The following MTHFS variants were observed in gnomAD, a reference collection of about 807,000 sequenced individuals.
MTHFS encodes the protein 5-formyltetrahydrofolate cyclo-ligase.
MTHFS carries 7 observed loss-of-function variants against 12.7 expected under a neutral mutation model. The ratio of observed to expected loss-of-function variants is 0.55; its 90% CI spans 0.31 to 1.03. MTHFS has a LOEUF of 1.03. Among genes scored for constraint, MTHFS ranks in the 50% least tolerant of loss-of-function variants. MTHFS has a pLI of 0.05. For synonymous variants in MTHFS, 100 were observed against 97.1 expected, an observed-to-expected ratio of 1.03 and a Z score of -0.18; for missense variants, 252 against 258.1, an observed-to-expected ratio of 0.98 and a Z score of 0.16.
At chr15:79,879,221 G>A (rs1490058922) in intron 2 of MTHFS, among the ~76,000 whole-genome samples, 1 of 151,738 alleles carries the variant, frequency 6.6e-6, no homozygotes, top group Non-Finnish European at 1.5e-5. Flanking sequence ...TAAGGTAACT[G>A]CAGAGAAAGT....
intron 2 of MTHFS, among the ~76,000 whole-genome samples, chr15:79,859,529 T>C (rs2033871527): frequency 6.6e-6 from 1 of 152,198 alleles, no homozygotes; most frequent in Non-Finnish European, 1.5e-5. Flanking sequence ...TTATAAAACA[T>C]ATTCTCAGCC....
intron 1 of MTHFS, among the ~76,000 whole-genome samples, chr15:79,896,319 T>A (rs2034566751): frequency 6.6e-6 from 1 of 152,242 alleles, no homozygotes; most frequent in African/African-American, 2.4e-5. Flanking sequence ...CTTAGTGAAG[T>A]CCAGTCAACC....
At chr15:79,897,058 G>T, upstream of MTHFS, 1 of 1,420,998 alleles carries the variant, frequency 7.0e-7, no homozygotes, top group Non-Finnish European at 9.2e-7. Context: ...CTCCGCCCCT[G>T]GCCGCTCCCA....
chr15:79,859,032 C>A (rs931357658), intron 2 of MTHFS, among the ~76,000 whole-genome samples: 12 of 152,234 alleles, frequency 7.9e-5, no homozygotes, highest in Admixed American at 7.8e-4. Flanking sequence ...AGTGCAGTAA[C>A]AACATGACTA....
At chr15:79,891,766 G>A (rs377283365) in intron 1 of MTHFS, among the ~76,000 whole-genome samples, 11 of 151,970 alleles carry the variant, frequency 7.2e-5, no homozygotes, top group South Asian at 4.2e-4. Context: ...TCAGGAGTTC[G>A]AGGCCAGCCT....
chr15:79,897,247 C>T, upstream of MTHFS: 1 of 456,732 alleles, frequency 2.2e-6, no homozygotes, highest in East Asian at 3.5e-5. Context: ...TGGCGAGGCG[C>T]CGTCGCTGCC....
chr15:79,875,507 G>A (rs2034178464), intron 2 of MTHFS, among the ~76,000 whole-genome samples: 1 of 152,014 alleles, frequency 6.6e-6, no homozygotes, highest in Non-Finnish European at 1.5e-5. Context: ...AGACAGTGCT[G>A]GGACAACCAA....
At chr15:79,881,233 G>A (rs1025440346) in intron 2 of MTHFS, among the ~76,000 whole-genome samples, 4 of 152,178 alleles carry the variant, frequency 2.6e-5, no homozygotes, top group African/African-American at 7.2e-5. Context: ...AGTCACCTGG[G>A]TTAGTCCTTT....
intron 1 of MTHFS, chr15:79,896,671 C>T (rs1345812908): frequency 2.0e-5 from 19 of 969,616 alleles, no homozygotes; most frequent in Middle Eastern, 3.0e-4. Context: ...CTACCGGGCC[C>T]TCTCCCCGCC....
chr15:79,872,988 G>T (rs16971467), intron 2 of MTHFS, among the ~76,000 whole-genome samples: 1 of 152,176 alleles, frequency 6.6e-6, no homozygotes. Context: ...GACCATTAGG[G>T]AGACCACAGG....
chr15:79,880,093 G>A (rs988807558), intron 2 of MTHFS, among the ~76,000 whole-genome samples: 5 of 151,902 alleles, frequency 3.3e-5, no homozygotes, highest in African/African-American at 4.8e-5. Flanking sequence ...TTTTTAAGAC[G>A]GAGTCTCGCT....
intron 2 of MTHFS, among the ~76,000 whole-genome samples, chr15:79,872,666 G>A (rs1263585774): frequency 3.3e-5 from 5 of 152,204 alleles, no homozygotes; most frequent in East Asian, 1.9e-4. Context: ...CAAAAGGATC[G>A]TAATTTCCAG....
At chr15:79,860,139 T>C (rs184555799) in intron 2 of MTHFS, among the ~76,000 whole-genome samples, 5 of 151,950 alleles carry the variant, frequency 3.3e-5, no homozygotes, top group Non-Finnish European at 5.9e-5. Context: ...CCTGTAATCC[T>C]AGCACTTTGG....
intron 2 of MTHFS, among the ~76,000 whole-genome samples, chr15:79,860,158 G>A (rs932423488): frequency 1.3e-5 from 2 of 152,138 alleles, no homozygotes; most frequent in Admixed American, 6.5e-5. Context: ...GGGAGGCCGA[G>A]GTGGGCAAAT....
chr15:79,853,589 A>C (rs2033751006), intron 2 of MTHFS, among the ~76,000 whole-genome samples: 1 of 152,178 alleles, frequency 6.6e-6, no homozygotes, highest in Non-Finnish European at 1.5e-5. Flanking sequence ...TTGACTCTGA[A>C]AGTTATTTCT....
At position 79,844,194 on chromosome 15, in the gene MTHFS, T is replaced by G. The variant is rs1476672016; in HGVS notation, c.*1016A>C. 6.6e-6 allele frequency: 1 copy of G among 152,206 alleles called. No homozygotes were observed. The highest frequency in any genetic ancestry group is 1.5e-5 in the Non-Finnish European group (1 of 68,048). 9.4% of individuals were successfully genotyped at this position (152,206 alleles called of 1,614,324 possible). On this transcript the variant is annotated 3_prime_UTR_variant, in exon 3 of 3. Coordinates refer to ENST00000258874, the MANE Select transcript of MTHFS (RefSeq NM_006441.4). The stretch of plus-strand genomic sequence containing the variant: ...GCTGCATGATTAGATTCGTGTTTTC[T>G]AAGATCAGTTTGACTGCAGCTTGAG...
chr15:79,879,121 T>A (rs12906758), intron 2 of MTHFS, among the ~76,000 whole-genome samples: 21,452 of 151,640 alleles, frequency 0.14, 1,718 homozygotes, highest in Non-Finnish European at 0.19. Context: ...AAAATTTTCA[T>A]TTTCATTTGT....
In MTHFS at chr15:79,854,412, G is replaced by A. The variant is rs138026452; in HGVS notation, c.380-8970C>T. Among the ~76,000 whole-genome samples the A allele has an allele frequency of 5.8e-3, 891 of 152,346 alleles. 9 individuals are homozygous for A. The highest frequency in any genetic ancestry group is 9.9e-3 in the Admixed American group (151 of 15,306). ...ACTGGAGTGTGGATGTGCACTGGGG[G>A]CGAGGGGTAACACCCTGCAGCCTCT... is the stretch of plus-strand genomic sequence containing the variant. On this transcript the variant is annotated intron_variant, in intron 2 of 2. Coordinates refer to ENST00000258874, the MANE Select transcript of MTHFS (RefSeq NM_006441.4).
At chr15:79,881,577 G>GAAAAAAAAAA (rs369497390) in intron 2 of MTHFS, among the ~76,000 whole-genome samples, 2 of 126,330 alleles carry the variant, frequency 1.6e-5, no homozygotes, top group Non-Finnish European at 3.4e-5. Context: ...CAAAATGACT[G>GAAAAAAAAAA]AAAAAAAAAA....
Sources: gnomAD v4.1 joint callset for allele counts (sites outside exome capture counted in the v4.1 genomes callset) on GRCh38, gnomAD v4.1.1 for gene constraint, MANE v1.5 for transcripts, NCBI Gene and HGNC (gene_info 2026-07-23, HGNC 2026-07-21) for gene names.